DYSF: variants seen among roughly 807,000 people sequenced by gnomAD.
DYSF encodes the protein dysferlin.
DYSF carries 212 observed loss-of-function variants against 274.9 expected under a neutral mutation model. The ratio of observed to expected loss-of-function variants is 0.77; its 90% CI spans 0.69 to 0.86. The LOEUF (loss-of-function observed/expected upper bound fraction) is 0.86, where lower values mean the gene tolerates loss of function less well. DYSF is among the 40% of genes least tolerant of loss of function. DYSF has a pLI of 0.00. For synonymous variants in DYSF, 1,091 were observed against 1,078.7 expected, an observed-to-expected ratio of 1.01 and a Z score of -0.22; for missense variants, 2,666 against 2,783.2, an observed-to-expected ratio of 0.96 and a Z score of 0.95.
intron 32 of DYSF, among the ~76,000 whole-genome samples, chr2:71,592,854 G>A (rs2093308140): frequency 6.6e-6 from 1 of 152,174 alleles, no homozygotes; most frequent in Admixed American, 6.5e-5. Context: ...CCTTCTCCCT[G>A]GTCGAATATT....
At chr2:71,463,818 C>A (rs1486421408), upstream of DYSF, among the ~76,000 whole-genome samples, 1 of 152,160 alleles carries the variant, frequency 6.6e-6, no homozygotes, top group Non-Finnish European at 1.5e-5. Context: ...ATAGCCGTTG[C>A]CAAGAAATAT....
intron 16 of DYSF, among the ~76,000 whole-genome samples, chr2:71,536,537 G>A (rs1413856786): frequency 6.6e-6 from 1 of 152,232 alleles, no homozygotes; most frequent in Non-Finnish European, 1.5e-5. Context: ...CGGGCGATGA[G>A]CTGTGCGTGT....
chr2:71,539,393 A>G (rs1341836111), intron 17 of DYSF, among the ~76,000 whole-genome samples, 154 bp downstream of exon 17: 2 of 152,208 alleles, frequency 1.3e-5, no homozygotes, highest in East Asian at 3.9e-4. Context: ...TCTGGCAATG[A>G]AAGAGATGTC....
intron 41 of DYSF, among the ~76,000 whole-genome samples, chr2:71,638,361 CA>C (rs34513312): frequency 5.8e-4 from 76 of 130,114 alleles, no homozygotes; most frequent in Admixed American, 1.2e-3. Context: ...CTCATCACTG[CA>C]AAAAAAAAAA....
At chr2:71,539,074 A>T in intron 16 of DYSF, 83 bp from the exon 17 acceptor site, 1 of 1,269,154 alleles carries the variant, frequency 7.9e-7, no homozygotes, top group Non-Finnish European at 1.1e-6. Flanking sequence ...TGTGATGTGT[A>T]ACCGAGGCCG....
intron 3 of DYSF, among the ~76,000 whole-genome samples, chr2:71,485,328 A>G (rs1236066440): frequency 6.6e-6 from 1 of 152,132 alleles, no homozygotes; most frequent in Non-Finnish European, 1.5e-5. Flanking sequence ...GGCCGAGGGC[A>G]GCAGATCACA....
At position 71,667,621 on chromosome 2, in the gene DYSF, G is replaced by T. The variant is rs551113345; in HGVS notation, c.5457+106G>T. On this transcript the variant is annotated intron_variant, in intron 48 of 55. Transcript: ENST00000410020. ...GAGCCAGTGGGTCCCTTGAGATTTG[G>T]TCAATCCTTCCTTGACCCATTTCTT... The T allele has an allele frequency of 2.0e-6, 3 of 1,526,286 alleles. No homozygotes were observed. In the South Asian group the frequency reaches 3.5e-5, roughly 18 times the overall value. The allele number at this position is 1,526,286 out of a possible 1,614,324, so 94.5% of individuals were successfully genotyped here.
In DYSF at chr2:71,478,360, A is replaced by C. The variant is rs779469655; in HGVS notation, c.92-2523A>C. 2.6e-3 allele frequency among the ~76,000 whole-genome samples: 394 copies of C among 151,962 alleles called. 3 individuals carry two copies. Among genetic ancestry groups the C allele is most frequent in the Non-Finnish European group, 1.7e-3 (118 of 67,952 alleles). On this transcript the variant is annotated intron_variant, in intron 1 of 55. Transcript: ENST00000410020. Reference sequence around the variant, plus strand: ...CCGAGCAGCTGGGACTACAGGTGCCAGCCACCATGCCCGGCTAATTTTTTG... The same window carrying C: ...CCGAGCAGCTGGGACTACAGGTGCCCGCCACCATGCCCGGCTAATTTTTTG...
chr2:71,556,302 G>A (rs576883497), intron 22 of DYSF, among the ~76,000 whole-genome samples: 3 of 152,340 alleles, frequency 2.0e-5, no homozygotes, highest in Admixed American at 1.3e-4. Flanking sequence ...CGGGCCCGGC[G>A]GCCGGCTCAC....
In DYSF at chr2:71,570,660, G is replaced by A; in HGVS notation, c.3147G>A (p.Glu1049=). The part of the protein sequence containing the change: ...ERKPKHWVPA[E]KMYYTHRRRR... The stretch of plus-strand genomic sequence containing the variant: ...AGCCGAAGCACTGGGTCCCTGCTGA[G>A]AAGATGTACTACACACACCGACGGC... Residue 1049 remains glutamate (E), a synonymous_variant, in exon 29 of 56, where the codon GAG becomes GAA. Coordinates refer to ENST00000410020, the MANE Select transcript of DYSF (RefSeq NM_001130987.2). The A allele has an allele frequency of 6.2e-7, 1 of 1,614,118 alleles. No individual in the cohort carries two copies. The highest frequency in any genetic ancestry group is 8.5e-7 in the Non-Finnish European group (1 of 1,179,990).
intron 3 of DYSF, among the ~76,000 whole-genome samples, chr2:71,498,480 A>G (rs1376102045): frequency 6.6e-6 from 1 of 152,248 alleles, no homozygotes; most frequent in East Asian, 1.9e-4. Flanking sequence ...GCCAGCAGGA[A>G]TGCAGTGTCT....
chr2:71,664,731 C>G (rs2094963651), intron 46 of DYSF, among the ~76,000 whole-genome samples: 2 of 152,076 alleles, frequency 1.3e-5, no homozygotes, highest in African/African-American at 4.8e-5. Context: ...CTAGAGAGGG[C>G]TAGGTACCTG....
intron 51 of DYSF, among the ~76,000 whole-genome samples, chr2:71,672,852 G>T (rs1315418462): frequency 6.6e-6 from 1 of 152,264 alleles, no homozygotes; most frequent in African/African-American, 2.4e-5. Flanking sequence ...CAGACAGAGG[G>T]CTGGAGGTGA....
chr2:71,668,431 T>A (rs1470004493), intron 48 of DYSF, among the ~76,000 whole-genome samples: 1 of 152,112 alleles, frequency 6.6e-6, no homozygotes, highest in Non-Finnish European at 1.5e-5. Context: ...TTCTGAGCCC[T>A]CCATAACTGA....
intron 54 of DYSF, among the ~76,000 whole-genome samples, chr2:71,682,127 G>A (rs1406797615): frequency 1.3e-5 from 2 of 152,102 alleles, no homozygotes; most frequent in African/African-American, 4.8e-5. Flanking sequence ...GTGCATCTGG[G>A]CAGGTGTCTT....
At position 71,620,299 on chromosome 2, in the gene DYSF, G is replaced by A. The variant is rs780198491; in HGVS notation, c.4465-248G>A. Among the ~76,000 whole-genome samples, 4 of 152,314 alleles carry A rather than the reference G, an allele frequency of 2.6e-5. No individual in the cohort carries two copies. In the East Asian group the frequency reaches 5.8e-4, roughly 22 times the overall value. On this transcript the variant is annotated intron_variant, in intron 40 of 55. Transcript: ENST00000410020. ...CTTCGTCTCATTCATACTCACTGTC[G>A]CCCTGTGAGGTGGGCTTTGGGCCCA... is the stretch of plus-strand genomic sequence containing the variant.
intron 30 of DYSF, among the ~76,000 whole-genome samples, chr2:71,589,287 T>C (rs2093175143): frequency 6.6e-6 from 1 of 152,202 alleles, no homozygotes; most frequent in South Asian, 2.1e-4. Context: ...GATTCTCCCC[T>C]GGAGAGCCCC....
intron 44 of DYSF, among the ~76,000 whole-genome samples, chr2:71,659,826 G>C (rs2094844482): frequency 6.6e-6 from 1 of 152,208 alleles, no homozygotes; most frequent in Non-Finnish European, 1.5e-5. Context: ...GGAAAGAAGA[G>C]AGGCAGGGGT....
chr2:71,482,575 C>T (rs2152683706), intron 3 of DYSF, among the ~76,000 whole-genome samples: 1 of 152,164 alleles, frequency 6.6e-6, no homozygotes, highest in Admixed American at 6.5e-5. Flanking sequence ...GTGGCAAAAG[C>T]AGGCTCCCCC....
Sources: gnomAD v4.1 joint callset for allele counts (sites outside exome capture counted in the v4.1 genomes callset) on GRCh38, gnomAD v4.1.1 for gene constraint, MANE v1.5 for transcripts, NCBI Gene and HGNC (gene_info 2026-07-23, HGNC 2026-07-21) for gene names.